MSRA: variants seen among roughly 807,000 people sequenced by gnomAD.
MSRA encodes the protein mitochondrial peptide methionine sulfoxide reductase.
In MSRA, 54 loss-of-function variants were observed where a neutral mutation model predicts 31.3. The observed-to-expected ratio is 1.73, with a 90% confidence interval of 1.39 to 2.17. The LOEUF (loss-of-function observed/expected upper bound fraction) is 2.17, where lower values mean the gene tolerates loss of function less well. MSRA is among the 30% of genes most tolerant of loss of function. The pLI, the probability that MSRA is intolerant of heterozygous loss-of-function variation, is 0.00. For synonymous variants in MSRA, 169 were observed against 116.5 expected, an observed-to-expected ratio of 1.45 and a Z score of -2.90; for missense variants, 507 against 300.9, an observed-to-expected ratio of 1.69 and a Z score of -5.07.
At chr8:10,217,988 C>G (rs534043306) in intron 2 of MSRA, among the ~76,000 whole-genome samples, 1 of 151,886 alleles carries the variant, frequency 6.6e-6, no homozygotes, top group Admixed American at 6.6e-5. Context: ...TTCCTTTAGT[C>G]TTGACCGAAC....
chr8:10,201,694 A>G (rs1204299009), intron 1 of MSRA, among the ~76,000 whole-genome samples: 1 of 152,268 alleles, frequency 6.6e-6, no homozygotes, highest in Non-Finnish European at 1.5e-5. Context: ...CAATGTCAGT[A>G]TCATCTTCTT....
At chr8:10,272,540 T>G (rs1799100857) in intron 3 of MSRA, among the ~76,000 whole-genome samples, 1 of 152,188 alleles carries the variant, frequency 6.6e-6, no homozygotes, top group Non-Finnish European at 1.5e-5. Flanking sequence ...GGCTGTCCGC[T>G]TTACCGGGTC....
chr8:10,212,119 G>A (rs552528007), intron 2 of MSRA, among the ~76,000 whole-genome samples: 10 of 151,906 alleles, frequency 6.6e-5, no homozygotes, highest in South Asian at 4.2e-4. Context: ...CCCAGGAGGC[G>A]GAGGTTGCAG....
intron 3 of MSRA, among the ~76,000 whole-genome samples, chr8:10,248,996 A>G (rs1163850711): frequency 6.6e-6 from 1 of 152,166 alleles, no homozygotes; most frequent in Admixed American, 6.5e-5. Context: ...GAATGCCCTG[A>G]CTGTGTAAAA....
At chr8:10,409,269 G>T (rs1447231439) in intron 5 of MSRA, among the ~76,000 whole-genome samples, 1 of 152,158 alleles carries the variant, frequency 6.6e-6, no homozygotes, top group African/African-American at 2.4e-5. Context: ...ATTCTGACTG[G>T]TGTAAGATGA....
At chr8:10,109,854 G>A (rs1365902570) in intron 1 of MSRA, among the ~76,000 whole-genome samples, 4 of 152,112 alleles carry the variant, frequency 2.6e-5, no homozygotes, top group African/African-American at 7.2e-5. Context: ...GTGATACCAC[G>A]CAGTGGTCCA....
At chr8:10,392,501 G>A (rs1435009619) in intron 5 of MSRA, among the ~76,000 whole-genome samples, 3 of 152,088 alleles carry the variant, frequency 2.0e-5, no homozygotes, top group African/African-American at 4.8e-5. Flanking sequence ...TGCTCCTTCC[G>A]CTCTTTCTCC....
intron 2 of MSRA, among the ~76,000 whole-genome samples, chr8:10,239,167 A>AT (rs574732524): frequency 4.0e-4 from 59 of 146,766 alleles, no homozygotes; most frequent in East Asian, 7.9e-4. Flanking sequence ...ATATGACATA[A>AT]TTTTTTTTTT....
intron 5 of MSRA, chr8:10,337,582 C>A: frequency 1.6e-6 from 1 of 640,388 alleles, no homozygotes; most frequent in South Asian, 1.8e-5. Flanking sequence ...CAAGCAGATT[C>A]CTCTCTGTCT....
chr8:10,209,347 T>C (rs1809280659), intron 2 of MSRA, among the ~76,000 whole-genome samples: 1 of 152,228 alleles, frequency 6.6e-6, no homozygotes, highest in African/African-American at 2.4e-5. Flanking sequence ...TCTTATGTCA[T>C]ATTGGGAAAT....
chr8:10,303,461 G>C (rs1293377958), intron 4 of MSRA, among the ~76,000 whole-genome samples: 1 of 152,142 alleles, frequency 6.6e-6, no homozygotes, highest in Non-Finnish European at 1.5e-5. Context: ...TGTTTGTAAT[G>C]GTGGCATCTC....
Position 10,328,550 on chromosome 8 carries a change from C to T in MSRA, c.543+8561C>T, listed in dbSNP as rs533775707. ...CAGAGTGATATTCCTCAGTGTACCT[C>T]GGGTCATTTCCCTTCCCTGTGTCAG... On this transcript the variant is annotated intron_variant, in intron 5 of 5. Transcript: ENST00000317173. 7.2e-5 allele frequency among the ~76,000 whole-genome samples: 11 copies of T among 152,172 alleles called. No homozygotes were observed. In the East Asian group the frequency reaches 1.4e-3, roughly 19 times the overall value.
chr8:10,270,992 A>T (rs1190050792), intron 3 of MSRA, among the ~76,000 whole-genome samples: 3 of 151,984 alleles, frequency 2.0e-5, no homozygotes, highest in Non-Finnish European at 4.4e-5. Flanking sequence ...TTTTATTTCA[A>T]ACCCTCAGCT....
chr8:10,143,171 G>A (rs73530939), intron 1 of MSRA, among the ~76,000 whole-genome samples: 7,961 of 152,148 alleles, frequency 0.052, 696 homozygotes, highest in African/African-American at 0.18. Flanking sequence ...CTTCTTTCAC[G>A]GGGAAAGAGG....
At position 10,253,121 on chromosome 8, in the gene MSRA, A is replaced by T. The variant is rs546297672; in HGVS notation, c.331+7898A>T. 7.0e-4 allele frequency among the ~76,000 whole-genome samples: 106 copies of T among 152,322 alleles called. 1 individual carries two copies. The highest frequency in any genetic ancestry group is 2.5e-3 in the African/African-American group (102 of 41,582). On this transcript the variant is annotated intron_variant, in intron 3 of 5. Coordinates refer to ENST00000317173, the MANE Select transcript of MSRA (RefSeq NM_012331.5). ...ACTGAAGGCTGGCAAGCAGCAAAACATAGGGCCCCACAATCCTGCTGTCCT... is the reference window on the plus strand; with the variant it reads ...ACTGAAGGCTGGCAAGCAGCAAAACTTAGGGCCCCACAATCCTGCTGTCCT...
At chr8:10,319,102 T>G (rs1212361069) in intron 4 of MSRA, among the ~76,000 whole-genome samples, 1 of 152,168 alleles carries the variant, frequency 6.6e-6, no homozygotes, top group Non-Finnish European at 1.5e-5. Context: ...GCACAGATTT[T>G]CCCTTAACAC....
intron 1 of MSRA, among the ~76,000 whole-genome samples, chr8:10,129,736 T>C (rs1382009853): frequency 2.0e-5 from 3 of 152,264 alleles, no homozygotes; most frequent in Admixed American, 1.3e-4. Context: ...AAGATACCAG[T>C]TATTAGGAAA....
intron 1 of MSRA, among the ~76,000 whole-genome samples, chr8:10,090,144 A>C (rs1285781170): frequency 2.6e-5 from 4 of 152,190 alleles, no homozygotes; most frequent in Non-Finnish European, 5.9e-5. Flanking sequence ...GCAGAGACTT[A>C]ATGCAGAGGG....
chr8:10,417,538 G>A (rs1328949134), intron 5 of MSRA, among the ~76,000 whole-genome samples: 1 of 152,056 alleles, frequency 6.6e-6, no homozygotes, highest in Non-Finnish European at 1.5e-5. Context: ...GGAGGTGGGG[G>A]TGCATCTGCT....
Sources: allele counts gnomAD v4.1 joint callset (sites outside exome capture counted in the v4.1 genomes callset), GRCh38; gene constraint gnomAD v4.1.1; transcripts MANE v1.5; gene names NCBI Gene and HGNC (gene_info 2026-07-23, HGNC 2026-07-21).